ZMYND11: variants seen among roughly 807,000 people sequenced by gnomAD.
ZMYND11 encodes zinc finger MYND domain-containing protein 11.
ZMYND11 carries 9 observed loss-of-function variants against 84.9 expected under a neutral mutation model. The observed-to-expected ratio is 0.11, with a 90% CI of 0.06 to 0.18. The LOEUF (loss-of-function observed/expected upper bound fraction) is 0.18, where lower values mean the gene tolerates loss of function less well. Among genes scored for constraint, ZMYND11 ranks in the 10% least tolerant of loss-of-function variants. The pLI is 1.00. For missense variants in ZMYND11, 409 were observed against 761.0 expected (o/e 0.54, Z 5.44); for synonymous variants, 250 against 244.1 (o/e 1.02, Z -0.23).
chr10:206,015 T>TAAGGTTG, intron 2 of ZMYND11, among the ~76,000 whole-genome samples: 1 of 133,924 alleles, frequency 7.5e-6, no homozygotes, highest in South Asian at 2.2e-4. Flanking sequence ...CCTAAGGTTG[T>TAAGGTTG]TTTTTTTTTT....
intron 10 of ZMYND11, among the ~76,000 whole-genome samples, 155 bp downstream of exon 10, chr10:242,294 T>G (rs1202994252): frequency 2.0e-5 from 3 of 152,150 alleles, no homozygotes; most frequent in Non-Finnish European, 4.4e-5. Flanking sequence ...GATAAATTGT[T>G]TCCAGATATT....
At chr10:251,661 T>C (rs1657497874) in intron 14 of ZMYND11, among the ~76,000 whole-genome samples, 1 of 152,226 alleles carries the variant, frequency 6.6e-6, no homozygotes, top group Non-Finnish European at 1.5e-5. Flanking sequence ...CTTGGAACTT[T>C]AGCTTTACTT....
chr10:251,207 G>A (rs563049134), intron 14 of ZMYND11, among the ~76,000 whole-genome samples: 8 of 152,250 alleles, frequency 5.3e-5, no homozygotes, highest in African/African-American at 9.6e-5. Flanking sequence ...AAATAATAGG[G>A]TATTTGGGAG....
At chr10:136,032 T>C (rs1554752023) in intron 1 of ZMYND11, among the ~76,000 whole-genome samples, 1 of 151,432 alleles carries the variant, frequency 6.6e-6, no homozygotes, top group Non-Finnish European at 1.5e-5. Context: ...GCGCGGCACG[T>C]CGTGTGCTAG....
chr10:133,474 G>C (rs935592141), upstream of ZMYND11, among the ~76,000 whole-genome samples: 1 of 152,168 alleles, frequency 6.6e-6, no homozygotes, highest in Non-Finnish European at 1.5e-5. Context: ...GGTTGAATGA[G>C]AGATGGTATC....
In ZMYND11 at chr10:149,610, A is replaced by G. The variant is rs138335928; in HGVS notation, c.-20+14051A>G. Among the ~76,000 whole-genome samples the G allele has an allele frequency of 3.9e-5, 6 of 152,316 alleles. No individual in the cohort carries two copies. In the East Asian group the frequency reaches 1.2e-3, roughly 29 times the overall value. On this transcript the variant is annotated intron_variant, in intron 1 of 14. Coordinates refer to ENST00000381604, the MANE Select transcript of ZMYND11 (RefSeq NM_001370100.5). ...TTTTTAAATGTAGTTTGCTTTTGAA[A>G]GAACAACACAATAGTAAATACTTAA... is the stretch of plus-strand genomic sequence containing the variant.
chr10:217,080 A>G (rs1276702910), intron 3 of ZMYND11, among the ~76,000 whole-genome samples: 1 of 151,778 alleles, frequency 6.6e-6, no homozygotes, highest in African/African-American at 2.4e-5. Context: ...GTAAATTAAA[A>G]ATTGCTTTTG....
chr10:215,583 G>C (rs952860949), intron 3 of ZMYND11, among the ~76,000 whole-genome samples: 2 of 150,750 alleles, frequency 1.3e-5, no homozygotes, highest in African/African-American at 4.9e-5. Flanking sequence ...TTTGAGACAG[G>C]GTCTCCCTTT....
chr10:229,264 TACTG>T (rs576198309), intron 4 of ZMYND11, among the ~76,000 whole-genome samples: 597 of 152,318 alleles, frequency 3.9e-3, no homozygotes, highest in Non-Finnish European at 5.9e-3. Context: ...AGGACTAACT[TACTG>T]ACTAAGGAGT....
At chr10:245,449 C>T (rs1160751547) in intron 10 of ZMYND11, among the ~76,000 whole-genome samples, 3 of 152,152 alleles carry the variant, frequency 2.0e-5, no homozygotes, top group African/African-American at 4.8e-5. Context: ...GCTATAATTA[C>T]AGGCCAGGGA....
intron 1 of ZMYND11, among the ~76,000 whole-genome samples, chr10:179,234 C>A (rs1391346320): frequency 3.9e-5 from 6 of 152,146 alleles, no homozygotes; most frequent in South Asian, 2.1e-4. Context: ...TCCGGACATC[C>A]AGGGTTTAAC....
chr10:137,920 A>G (rs1276825060), intron 1 of ZMYND11, among the ~76,000 whole-genome samples: 7 of 152,174 alleles, frequency 4.6e-5, no homozygotes, highest in African/African-American at 1.7e-4. Flanking sequence ...CTTTTCCCCC[A>G]TAGAGATTGC....
At chr10:249,111 C>T (rs779943426) in intron 14 of ZMYND11, 23 bp downstream of exon 14, 14 of 1,613,684 alleles carry the variant, frequency 8.7e-6, no homozygotes, top group Non-Finnish European at 1.2e-5. Flanking sequence ...CTTTTTTAGA[C>T]CCTTATTTCT....
At chr10:136,082 C>G (rs1184409206) in intron 1 of ZMYND11, among the ~76,000 whole-genome samples, 1 of 151,860 alleles carries the variant, frequency 6.6e-6, no homozygotes, top group South Asian at 2.1e-4. Context: ...AGGCCCGGGG[C>G]GGAGATTCGT....
At chr10:171,888 A>G (rs1456698740) in intron 1 of ZMYND11, among the ~76,000 whole-genome samples, 3 of 152,208 alleles carry the variant, frequency 2.0e-5, no homozygotes, top group South Asian at 2.1e-4. Context: ...GTCTTACTCT[A>G]TTCCTGCTGC....
chr10:253,539 T>C lies in ZMYND11; in HGVS notation c.*1069T>C, dbSNP rs1166574922. Reference sequence around the variant, plus strand: ...AAGATGCCGTGATTTGTAAAAAGTCTGTATTTTGCGGAATGTCTGGATTAA... The same window carrying C: ...AAGATGCCGTGATTTGTAAAAAGTCCGTATTTTGCGGAATGTCTGGATTAA... On this transcript the variant is annotated 3_prime_UTR_variant, in exon 15 of 15. Transcript: ENST00000381604. The C allele has an allele frequency of 6.6e-6, 1 of 152,660 alleles. No individual in the cohort carries two copies. Among genetic ancestry groups the C allele is most frequent in the Non-Finnish European group, 1.5e-5 (1 of 68,026 alleles). 9.5% of individuals were successfully genotyped at this position (152,660 alleles called of 1,614,324 possible). A position where few individuals can be genotyped will look rare whatever the true frequency, so the allele number is the denominator to read the frequency against.
intron 2 of ZMYND11, among the ~76,000 whole-genome samples, chr10:197,318 A>G (rs1312481025): frequency 3.9e-5 from 6 of 152,262 alleles, no homozygotes; most frequent in Non-Finnish European, 7.3e-5. Flanking sequence ...GTATCAATAC[A>G]TACACATGGT....
intron 1 of ZMYND11, among the ~76,000 whole-genome samples, chr10:155,368 G>A (rs1254532533): frequency 6.6e-6 from 1 of 152,084 alleles, no homozygotes; most frequent in East Asian, 1.9e-4. Flanking sequence ...AGAATTTTTG[G>A]CTGGGTATGG....
intron 1 of ZMYND11, among the ~76,000 whole-genome samples, chr10:157,358 C>G (rs1841953910): frequency 6.6e-6 from 1 of 152,104 alleles, no homozygotes; most frequent in Non-Finnish European, 1.5e-5. Flanking sequence ...TGCCACCACA[C>G]TTGGCTAATG....
Sources: allele counts gnomAD v4.1 joint callset (sites outside exome capture counted in the v4.1 genomes callset), GRCh38; gene constraint gnomAD v4.1.1; transcripts MANE v1.5; gene names NCBI Gene and HGNC (gene_info 2026-07-23, HGNC 2026-07-21).